The following RTN4 variants were observed in gnomAD, a reference collection of about 807,000 sequenced individuals.
The protein encoded by RTN4 is reticulon 4.
A neutral mutation model predicts 90.4 loss-of-function variants in RTN4; 32 were observed. That is an observed-to-expected ratio of 0.35 (90% confidence interval 0.27 to 0.48). The LOEUF is 0.48. Among genes scored for constraint, RTN4 ranks in the 20% least tolerant of loss-of-function variants. The pLI is 0.99. For synonymous variants in RTN4, 629 were observed against 552.5 expected, an observed-to-expected ratio of 1.14 and a Z score of -1.94; for missense variants, 1,706 against 1,430.2, an observed-to-expected ratio of 1.19 and a Z score of -3.11.
At chr2:55,024,745 T>G (rs1006908373) in intron 3 of RTN4, among the ~76,000 whole-genome samples, 2 of 152,082 alleles carry the variant, frequency 1.3e-5, no homozygotes, top group African/African-American at 4.8e-5. Context: ...TGAAAATATT[T>G]TAATATCTCT....
At chr2:55,092,094 G>A (rs370145405) in intron 1 of RTN4, among the ~76,000 whole-genome samples, 1 of 152,056 alleles carries the variant, frequency 6.6e-6, no homozygotes, top group Non-Finnish European at 1.5e-5. Context: ...GGAGGTTGAG[G>A]TGGGAAGATT....
At chr2:55,004,025 CTAGA>C (rs1414993706) in intron 3 of RTN4, among the ~76,000 whole-genome samples, 1 of 152,056 alleles carries the variant, frequency 6.6e-6, no homozygotes, top group Non-Finnish European at 1.5e-5. Context: ...TATTCTCTGC[CTAGA>C]TATTCTGCCT....
chr2:55,116,378 T>C (rs538005676), upstream of RTN4, among the ~76,000 whole-genome samples: 26 of 152,244 alleles, frequency 1.7e-4, no homozygotes, highest in South Asian at 5.4e-3. Context: ...TAAAAATAGA[T>C]ATACAACACA....
In RTN4 at chr2:55,050,392, T is replaced by G. The variant is rs945715305; in HGVS notation, c.-92A>C. 4.1e-6 allele frequency: 3 copies of G among 734,936 alleles called. No homozygotes were observed. The highest frequency in any genetic ancestry group is 3.7e-5 in the African/African-American group (2 of 54,594). 45.5% of individuals were successfully genotyped at this position (734,936 alleles called of 1,614,324 possible). A position where few individuals can be genotyped will look rare whatever the true frequency, so the allele number is the denominator to read the frequency against. On this transcript the variant is annotated 5_prime_UTR_variant, in exon 1 of 9. Transcript: ENST00000337526. This position sits in a 1 kb window ranked among gnomAD's most constrained non-coding sequence, Gnocchi z 4.6. Reference sequence around the variant, plus strand: ...GGCGGTTGTGGGGGTTGGGGAGGACTGAGAGGGGCTGGGCCGACTGAGCCG... The same window carrying G: ...GGCGGTTGTGGGGGTTGGGGAGGACGGAGAGGGGCTGGGCCGACTGAGCCG...
chr2:55,040,060 G>C lies in RTN4; in HGVS notation c.556+9685C>G, dbSNP rs141244871. Among the ~76,000 whole-genome samples, 85 of 152,246 alleles carry C rather than the reference G, an allele frequency of 5.6e-4. 1 individual carries two copies. Among genetic ancestry groups the C allele is most frequent in the Admixed American group, 5.0e-3 (76 of 15,276 alleles). On this transcript the variant is annotated intron_variant, in intron 1 of 8. Coordinates refer to ENST00000337526, the MANE Select transcript of RTN4 (RefSeq NM_020532.5). ...TTCTCAGTCCTTGTTCAAAAGTGAT[G>C]TCTTATAGCCCTAATCCTTATGGCA...
intron 1 of RTN4, among the ~76,000 whole-genome samples, chr2:55,111,563 G>A (rs908621515): frequency 5.3e-5 from 8 of 152,134 alleles, no homozygotes; most frequent in African/African-American, 1.7e-4. Context: ...CCAGGCCCAC[G>A]AAAGTGGCTT....
chr2:54,988,420 A>G (rs1678746698), intron 3 of RTN4, among the ~76,000 whole-genome samples: 1 of 152,236 alleles, frequency 6.6e-6, no homozygotes, highest in Admixed American at 6.5e-5. Flanking sequence ...AACACACTAA[A>G]ATGAGATACT....
In RTN4 at chr2:54,982,602, G is replaced by A. The variant is rs772799585; in HGVS notation, c.3273C>T (p.Tyr1091=). The A allele has an allele frequency of 1.2e-6, 2 of 1,613,592 alleles. No homozygotes were observed. Among genetic ancestry groups the A allele is most frequent in the South Asian group, 2.2e-5 (2 of 90,982 alleles). ...VAISEELVQK[Y]SNSALGHVNC... is the part of the protein sequence containing the mutation. ...TCACATGACCAAGAGCAGAATTACT[G>A]TACTTCTGAACCAACTCCTCAGATA... Residue 1091 remains tyrosine, a synonymous_variant, in exon 5 of 9, where the codon TAC becomes TAT. Transcript: ENST00000337526.
chr2:55,006,491 T>G (rs1033069969), intron 3 of RTN4, among the ~76,000 whole-genome samples: 17 of 152,108 alleles, frequency 1.1e-4, no homozygotes, highest in Admixed American at 1.0e-3. Flanking sequence ...TAGCTTATCA[T>G]AAGTAAAGAT....
intron 1 of RTN4, among the ~76,000 whole-genome samples, chr2:55,089,765 C>T (rs1462014101): frequency 6.6e-6 from 1 of 152,250 alleles, no homozygotes; most frequent in Non-Finnish European, 1.5e-5. Flanking sequence ...GGCCACCACT[C>T]TTCAGCACAG....
intron 1 of RTN4, among the ~76,000 whole-genome samples, chr2:55,030,980 G>C (rs1354883150): frequency 6.6e-6 from 1 of 152,116 alleles, no homozygotes; most frequent in Non-Finnish European, 1.5e-5. Context: ...TGCTGAGCCG[G>C]CACATTTGTT....
At chr2:54,983,839 T>C (rs1267368349) in intron 4 of RTN4, among the ~76,000 whole-genome samples, 3 of 152,166 alleles carry the variant, frequency 2.0e-5, no homozygotes, top group Admixed American at 6.5e-5. Flanking sequence ...CAAAAGGCAT[T>C]TAACTTCTCT....
chr2:55,066,090 C>T (rs1205703575), intron 2 of RTN4, among the ~76,000 whole-genome samples: 3 of 151,900 alleles, frequency 2.0e-5, no homozygotes, highest in Non-Finnish European at 4.4e-5. Context: ...AATAGAACTA[C>T]ATGAATTGGA....
At chr2:55,091,316 C>A (rs967855231) in intron 1 of RTN4, among the ~76,000 whole-genome samples, 4 of 152,202 alleles carry the variant, frequency 2.6e-5, no homozygotes, top group Non-Finnish European at 5.9e-5. Context: ...GTGTCATCCA[C>A]ACTGGGCCCT....
chr2:55,114,897 T>C (rs1037856414), upstream of RTN4, among the ~76,000 whole-genome samples: 6 of 152,090 alleles, frequency 3.9e-5, no homozygotes, highest in African/African-American at 4.8e-5. Flanking sequence ...AGAGGGTGCA[T>C]CAGCTTAAAG....
chr2:54,973,253 A>G, intron 8 of RTN4, 55 bp from the exon 9 acceptor site: 18 of 1,402,572 alleles, frequency 1.3e-5, no homozygotes, highest in Non-Finnish European at 1.8e-5. Context: ...TGCTTAAAAT[A>G]CCATCTTCCA....
intron 1 of RTN4, among the ~76,000 whole-genome samples, chr2:55,029,599 A>T (rs1300745210): frequency 1.3e-5 from 2 of 152,228 alleles, no homozygotes; most frequent in Non-Finnish European, 2.9e-5. Flanking sequence ...TAACATGAAT[A>T]CGGACTTGTC....
intron 2 of RTN4, among the ~76,000 whole-genome samples, chr2:55,077,978 A>G (rs908378956): frequency 6.6e-6 from 1 of 151,994 alleles, no homozygotes; most frequent in African/African-American, 2.4e-5. Flanking sequence ...AAGGCATAAG[A>G]ATGATACCAT....
At chr2:55,080,120 G>A (rs1314975439) in intron 2 of RTN4, among the ~76,000 whole-genome samples, 1 of 152,032 alleles carries the variant, frequency 6.6e-6, no homozygotes, top group Non-Finnish European at 1.5e-5. Flanking sequence ...AGGCTCAAAT[G>A]ATCCTCCCAC....
Sources: allele counts gnomAD v4.1 joint callset (sites outside exome capture counted in the v4.1 genomes callset), GRCh38; gene constraint gnomAD v4.1.1; non-coding constraint Gnocchi (gnomAD v3.1); transcripts MANE v1.5; gene names NCBI Gene and HGNC (gene_info 2026-07-23, HGNC 2026-07-21).